RYR1: variants seen among roughly 807,000 people sequenced by gnomAD.
RYR1 encodes the protein ryanodine receptor 1.
Under a neutral mutation model 583.5 loss-of-function variants are expected in RYR1, and 342 were observed. The observed-to-expected ratio is 0.59, with a 90% confidence interval of 0.54 to 0.64. The LOEUF is 0.64. RYR1 is among the 30% of genes least tolerant of loss of function. RYR1 has a pLI of 0.00. For synonymous variants in RYR1, 2,791 were observed against 2,822.5 expected, an observed-to-expected ratio of 0.99 and a Z score of 0.35; for missense variants, 6,032 against 6,917.2, an observed-to-expected ratio of 0.87 and a Z score of 4.54.
chr19:38,505,662 G>GT, intron 53 of RYR1, 144 bp from the exon 54 acceptor site: 1 of 1,056,454 alleles, frequency 9.5e-7, no homozygotes, highest in South Asian at 1.5e-5. Context: ...GGGAGGCTCT[G>GT]TTACAGAGCA....
chr19:38,443,600 G>A lies in RYR1; in HGVS notation c.313G>A (p.Ala105Thr). The A allele has an allele frequency of 6.2e-7, 1 of 1,614,130 alleles. No homozygotes were observed. Among genetic ancestry groups the A allele is most frequent in the Non-Finnish European group, 8.5e-7 (1 of 1,180,008 alleles). Residue 105 changes from alanine to threonine, a missense_variant, in exon 4 of 106, where the codon GCC becomes ACC. Around this residue, in one of 11 missense-constraint regions of RYR1, gnomAD observed 338 missense variants for 441.6 expected, o/e 0.77. Transcript: ENST00000359596. Reference sequence around the variant, plus strand: ...ACACAGGACGCTCCTGTATGGCCATGCCATCCTGCTCCGGCATGCACACAG... The same window carrying A: ...ACACAGGACGCTCCTGTATGGCCATACCATCCTGCTCCGGCATGCACACAG... ...GGHRTLLYGH[A>T]ILLRHAHSRM...
Position 38,537,242 on chromosome 19 carries a change from C to T in RYR1, c.11608+475C>T, listed in dbSNP as rs556235868. On this transcript the variant is annotated intron_variant, in intron 83 of 105. Transcript: ENST00000359596. ...GATTGGTGTGCGCCTGCCTCCTCTG[C>T]GCCTGCCTCCTCTGTGCCTGCTCTG... 38 of 226,056 alleles carry T rather than the reference C, an allele frequency of 1.7e-4. 1 individual carries two copies. Among genetic ancestry groups the T allele is most frequent in the East Asian group, 4.2e-4 (4 of 9,590 alleles). The allele number at this position is 226,056 out of a possible 1,614,324, so 14.0% of individuals were successfully genotyped here.
rs774118116 is a variant in RYR1, at chr19:38,499,205, G to A, written c.6989G>A (p.Arg2330His). The A allele has an allele frequency of 5.6e-6, 9 of 1,614,198 alleles. No homozygotes were observed. Among genetic ancestry groups the A allele is most frequent in the Admixed American group, 5.0e-5 (3 of 60,032 alleles). ...GGCTGGAACCCCTGTGGTGGAGAGC[G>A]CTACCTGGACTTCCTGCGCTTTGCT... ...DIGWNPCGGE[R>H]YLDFLRFAVF... The change falls in exon 43 of 106, where the codon CGC becomes CAC. Residue 2330 changes from arginine to histidine, a missense_variant. Arg to His is a conservative substitution (Grantham distance 29). Around this residue, in one of 11 missense-constraint regions of RYR1, gnomAD observed 2,627 missense variants for 2,961.3 expected, o/e 0.89. Transcript: ENST00000359596. This position sits in a 1 kb window ranked among gnomAD's most constrained non-coding sequence, Gnocchi z 7.3.
chr19:38,558,950 G>A (rs568850144), intron 89 of RYR1, among the ~76,000 whole-genome samples: 3 of 152,198 alleles, frequency 2.0e-5, no homozygotes, highest in Non-Finnish European at 2.9e-5. Context: ...ATTAGCCAGT[G>A]TGGTGGCACA....
At chr19:38,507,440 G>A (rs927515552) in intron 57 of RYR1, among the ~76,000 whole-genome samples, 1 of 148,692 alleles carries the variant, frequency 6.7e-6, no homozygotes, top group Non-Finnish European at 1.5e-5. Flanking sequence ...CCAAAGAGGA[G>A]AGAAGGGCTG....
chr19:38,576,110 G>A, intron 97 of RYR1, 149 bp downstream of exon 97: 4 of 828,256 alleles, frequency 4.8e-6, no homozygotes, highest in Non-Finnish European at 8.3e-6. Context: ...CCCATGGGGA[G>A]ATGGGCATAG....
rs375915752 is a variant in RYR1 at position 38,529,048 on chromosome 19, C to G, written c.11132C>G (p.Thr3711Arg). Reference protein sequence around the residue: ...LVLHFSRTALTEKSKLDEDYL... With the variant: ...LVLHFSRTALREKSKLDEDYL... ...CTGCACTTCAGCCGCACTGCCCTGA[C>G]GGAAAAGAGGTGAAGACTCTTGCCA... Residue 3711 changes from threonine (T) to arginine (R), a missense_variant, in exon 76 of 106, where the codon ACG becomes AGG. Thr to Arg is a moderately conservative substitution (Grantham distance 71). Transcript: ENST00000359596. 2.5e-6 allele frequency: 4 copies of G among 1,613,766 alleles called. No homozygotes were observed. The highest frequency in any genetic ancestry group is 1.7e-6 in the Non-Finnish European group (2 of 1,179,990).
At chr19:38,472,219 C>A (rs1306983654) in intron 27 of RYR1, among the ~76,000 whole-genome samples, 2 of 152,142 alleles carry the variant, frequency 1.3e-5, no homozygotes. Flanking sequence ...TTGCCTCAGT[C>A]TCCTTAGTAG....
rs1328342890 is a variant in RYR1, at chr19:38,442,437, T to G, written c.254T>G (p.Val85Gly). 6.2e-7 allele frequency: 1 copy of G among 1,612,102 alleles called. No individual in the cohort carries two copies. Among genetic ancestry groups the G allele is most frequent in the Non-Finnish European group, 8.5e-7 (1 of 1,179,310 alleles). ...CTGCAGGAGATGCTGGCTAACACGG[T>G]GGAGGCTGGCGTGGAGGTGAGGACC... Reference protein sequence around the residue: ...RALQEMLANTVEAGVESSQGG... With the variant: ...RALQEMLANTGEAGVESSQGG... Residue 85 changes from valine to glycine, a missense_variant, in exon 3 of 106, where the codon GTG becomes GGG. Physicochemically the swap from Val to Gly is moderately radical, Grantham distance 109. Coordinates refer to ENST00000359596, the MANE Select transcript of RYR1 (RefSeq NM_000540.3).
At chr19:38,488,809 A>C (rs935918300) in intron 34 of RYR1, among the ~76,000 whole-genome samples, 3 of 152,178 alleles carry the variant, frequency 2.0e-5, no homozygotes, top group African/African-American at 7.2e-5. Flanking sequence ...ATGTGTTAGC[A>C]TCTTCATTAT....
intron 101 of RYR1, among the ~76,000 whole-genome samples, chr19:38,583,907 C>A (rs1974328533): frequency 6.6e-6 from 1 of 152,098 alleles, no homozygotes; most frequent in African/African-American, 2.4e-5. Flanking sequence ...CTCATCTCTC[C>A]CTGCTCTCCT....
chr19:38,499,714 G>A lies in RYR1; in HGVS notation c.7107G>A (p.Arg2369=), dbSNP rs2145600619. Residue 2369 remains arginine (R), a synonymous_variant, in exon 44 of 106, where the codon CGG becomes CGA. Coordinates refer to ENST00000359596, the MANE Select transcript of RYR1 (RefSeq NM_000540.3). The surrounding 1 kb of genome is among the most constrained non-coding windows in gnomAD (Gnocchi z 7.3). ...RKPECFGPAL[R]GEGGSGLLAA... Reference sequence around the variant, plus strand: ...CTGAGTGCTTCGGACCCGCCCTGCGGGGTGAGGGTGGCTCAGGGCTGCTGG... The same window carrying A: ...CTGAGTGCTTCGGACCCGCCCTGCGAGGTGAGGGTGGCTCAGGGCTGCTGG... 1 of 1,601,682 alleles carries A rather than the reference G, an allele frequency of 6.2e-7. No individual in the cohort carries two copies. Among genetic ancestry groups the A allele is most frequent in the Non-Finnish European group, 8.5e-7 (1 of 1,179,654 alleles).
At chr19:38,461,868 A>G (rs1967770787) in intron 20 of RYR1, among the ~76,000 whole-genome samples, 1 of 152,130 alleles carries the variant, frequency 6.6e-6, no homozygotes, top group Admixed American at 6.5e-5. Context: ...CAGCCTGGCC[A>G]ACATGGTGAA....
intron 34 of RYR1, among the ~76,000 whole-genome samples, chr19:38,486,950 C>T (rs113190617): frequency 1.3e-5 from 2 of 152,270 alleles, no homozygotes; most frequent in Admixed American, 6.5e-5. Context: ...TTCATGTACC[C>T]ATCTATCCAA....
intron 39 of RYR1, among the ~76,000 whole-genome samples, chr19:38,495,092 T>G (rs1969753598): frequency 1.3e-5 from 2 of 151,998 alleles, no homozygotes; most frequent in African/African-American, 4.8e-5. Flanking sequence ...CCTCAGGTGA[T>G]CCACCCGCCT....
chr19:38,578,142 A>T lies in RYR1; in HGVS notation c.14304-2A>T. ...CATCTCTCCCCACCCCCGCCCCCACAGGCTCATGTCCATCGATGTCAAGTA... is the reference window on the plus strand; with the variant it reads ...CATCTCTCCCCACCCCCGCCCCCACTGGCTCATGTCCATCGATGTCAAGTA... On this transcript the variant is annotated splice_acceptor_variant, in intron 98 of 105. Coordinates refer to ENST00000359596, the MANE Select transcript of RYR1 (RefSeq NM_000540.3). LOFTEE classifies it high-confidence loss of function. The T allele has an allele frequency of 1.2e-6, 2 of 1,607,934 alleles. No individual in the cohort carries two copies. The highest frequency in any genetic ancestry group is 1.7e-6 in the Non-Finnish European group (2 of 1,174,970).
chr19:38,485,650 C>T lies in RYR1; in HGVS notation c.4995C>T (p.Thr1665=). 2 of 1,610,808 alleles carry T rather than the reference C, an allele frequency of 1.2e-6. No homozygotes were observed. The highest frequency in any genetic ancestry group is 8.5e-7 in the Non-Finnish European group (1 of 1,179,946). The stretch of plus-strand genomic sequence containing the variant: ...ACCTGCAGCGCTTCCACTCGCACAC[C>T]CTGCGCCTCTACCGCGCTGTGTGCG... ...RLDLQRFHSH[T]LRLYRAVCAL... Residue 1665 remains threonine, a synonymous_variant, in exon 34 of 106, where the codon ACC becomes ACT. Coordinates refer to ENST00000359596, the MANE Select transcript of RYR1 (RefSeq NM_000540.3).
In RYR1 at chr19:38,567,179, T is replaced by TA. The variant is rs371506438; in HGVS notation, c.13514+202dup. ...AATAAATGCTCCAACCTGGGCAACA[T>TA]AAAAAAAAAATTAAAATTAGCCAAG... On this transcript the variant is annotated intron_variant, in intron 92 of 105. Coordinates refer to ENST00000359596, the MANE Select transcript of RYR1 (RefSeq NM_000540.3). Among the ~76,000 whole-genome samples, 22 of 149,252 alleles carry TA rather than the reference T, an allele frequency of 1.5e-4. No individual in the cohort carries two copies. Among genetic ancestry groups the TA allele is most frequent in the African/African-American group, 3.7e-4 (15 of 40,766 alleles).
rs772706811 is a variant in RYR1 at position 38,448,558 on chromosome 19, C to T, written c.957+47C>T. 2.5e-6 allele frequency: 4 copies of T among 1,614,102 alleles called. No individual in the cohort carries two copies. In the South Asian group the frequency reaches 4.4e-5, roughly 18 times the overall value. ...CTCCCTCACCTGAAGCCCCCAGTCC[C>T]AGCCCAGCCTGCACTCTGCAGTCCC... On this transcript the variant is annotated intron_variant, in intron 10 of 105. Coordinates refer to ENST00000359596, the MANE Select transcript of RYR1 (RefSeq NM_000540.3).
Sources: gnomAD v4.1 joint callset for allele counts (sites outside exome capture counted in the v4.1 genomes callset) on GRCh38, gnomAD v4.1.1 for gene constraint, gnomAD v4.1.1 regional missense constraint, Gnocchi (gnomAD v3.1) non-coding constraint, MANE v1.5 for transcripts, NCBI Gene and HGNC (gene_info 2026-07-23, HGNC 2026-07-21) for gene names.